The following ZSWIM4 variants were observed in gnomAD, a reference collection of about 807,000 sequenced individuals.
ZSWIM4 encodes zinc finger SWIM-type containing 4, also known as zinc finger SWIM domain-containing protein 4.
In ZSWIM4, 62 loss-of-function variants were observed where a neutral mutation model predicts 102.5. The ratio of observed to expected loss-of-function variants is 0.60; its 90% CI spans 0.49 to 0.75. The LOEUF is 0.75. Ranked by LOEUF, ZSWIM4 falls within the 30% of genes least tolerant of loss-of-function variation. The pLI is 0.00. For missense variants in ZSWIM4, 1,280 were observed against 1,529.6 expected, an observed-to-expected ratio of 0.84 and a Z score of 2.72; for synonymous variants, 652 against 674.5, an observed-to-expected ratio of 0.97 and a Z score of 0.52.
chr19:13,822,956 G>GTGA, intron 10 of ZSWIM4, among the ~76,000 whole-genome samples: 1 of 150,726 alleles, frequency 6.6e-6, no homozygotes, highest in Non-Finnish European at 1.5e-5. Context: ...GCCAGCCTGG[G>GTGA]CAAAAAGAGT....
chr19:13,813,050 G>T lies in ZSWIM4; in HGVS notation c.1066G>T (p.Ala356Ser), dbSNP rs771065112. 5 of 1,613,898 alleles carry T rather than the reference G, an allele frequency of 3.1e-6. No homozygotes were observed. The South Asian group carries it at 5.5e-5, about 18-fold the overall frequency. Residue 356 changes from alanine to serine, a missense_variant, in exon 6 of 14, where the codon GCA (alanine) becomes TCA (serine). Transcript: ENST00000590508. ...LSPHCKPEER[A>S]GWLQLLSRWD... ...CCCCCACTGCAAACCAGAGGAAAGG[G>T]CAGGCTGGCTCCAGCTACTCAGCAG...
rs762511371 is a variant in ZSWIM4 at position 13,830,487 on chromosome 19, G to A, written c.2758G>A (p.Ala920Thr). The A allele has an allele frequency of 1.9e-6, 3 of 1,601,154 alleles. No individual in the cohort carries two copies. The highest frequency in any genetic ancestry group is 1.1e-5 in the South Asian group (1 of 91,012). ...LDAAAGGLGH[A>T]HLFTVARYME... is the part of the protein sequence containing the mutation. ...CGCGGCGGCCGGCGGCCTGGGCCAC[G>A]CCCACCTCTTCACTGTGGCCCGCTA... The change falls in exon 14 of 14, where the codon GCC becomes ACC. Residue 920 changes from alanine (A) to threonine (T), a missense_variant. Ala to Thr is a moderately conservative substitution (Grantham distance 58). Coordinates refer to ENST00000590508, the MANE Select transcript of ZSWIM4 (RefSeq NM_001367834.3).
rs202197140 is a variant in ZSWIM4 at position 13,831,058 on chromosome 19, T to G, written c.*8T>G. 66 of 1,557,552 alleles carry G rather than the reference T, an allele frequency of 4.2e-5. No individual in the cohort carries two copies. The African/African-American group carries it at 8.8e-4, about 21-fold the overall frequency. ...CGGGAGCGTTTTGGTTGAGGGACAG[T>G]GGGGTGCGTGGGAGTGGGGATCCCC... On this transcript the variant is annotated 3_prime_UTR_variant, in exon 14 of 14. Coordinates refer to ENST00000590508, the MANE Select transcript of ZSWIM4 (RefSeq NM_001367834.3).
In ZSWIM4 at chr19:13,817,866, A is replaced by G. The variant is rs765261071; in HGVS notation, c.1814A>G (p.Gln605Arg). ...GCCCTGCCGGAGGGGCTGTACGCCC[A>G]GGACAAGGTGGTGCGCAACGAGGAG... ...QRALPEGLYA[Q>R]DKVVRNEEQL... The change falls in exon 9 of 14, where the codon CAG becomes CGG. Residue 605 changes from glutamine to arginine, a missense_variant. By Grantham distance (43) the Gln-to-Arg change is conservative (BLOSUM62 1). Coordinates refer to ENST00000590508, the MANE Select transcript of ZSWIM4 (RefSeq NM_001367834.3). 1.3e-6 allele frequency: 2 copies of G among 1,555,624 alleles called. No individual in the cohort carries two copies. The highest frequency in any genetic ancestry group is 4.8e-5 in the East Asian group (2 of 41,862).
Position 13,799,786 on chromosome 19 carries a change from C to T in ZSWIM4, c.220C>T (p.Arg74Cys). 1.2e-6 allele frequency: 2 copies of T among 1,614,094 alleles called. No homozygotes were observed. The highest frequency in any genetic ancestry group is 1.7e-6 in the Non-Finnish European group (2 of 1,180,026). ...GCGCATCGTGTTTTGGTCGTTTCCA[C>T]GCAGTGAACGGGAAATATGTATGTA... Reference protein sequence around the residue: ...QKRIVFWSFPRSEREICMYSS... With the variant: ...QKRIVFWSFPCSEREICMYSS... Residue 74 changes from arginine (R) to cysteine (C), a missense_variant, in exon 2 of 14, where the codon CGC becomes TGC. Physicochemically the swap from Arg to Cys is radical, Grantham distance 180. Transcript: ENST00000590508.
rs2145341263 is a variant in ZSWIM4, at chr19:13,817,906, G to A, written c.1854G>A (p.Leu618=). 2 of 1,548,292 alleles carry A rather than the reference G, an allele frequency of 1.3e-6. No homozygotes were observed. Among genetic ancestry groups the A allele is most frequent in the South Asian group, 1.2e-5 (1 of 83,710 alleles). ...VVRNEEQLLA[L]LEEVELDERL... is the part of the protein sequence containing the mutation. ...GCAACGAGGAGCAGCTGCTGGCCCT[G>A]CTGGAGGAGGTGGAGTTGGATGAGC... Residue 618 remains leucine, a synonymous_variant, in exon 9 of 14, where the codon CTG becomes CTA. Coordinates refer to ENST00000590508, the MANE Select transcript of ZSWIM4 (RefSeq NM_001367834.3).
chr19:13,802,309 G>A (rs1416472416), intron 2 of ZSWIM4, among the ~76,000 whole-genome samples: 2 of 149,242 alleles, frequency 1.3e-5, no homozygotes, highest in South Asian at 2.1e-4. Flanking sequence ...AGTCTCGGCC[G>A]GGCACAGTGG....
chr19:13,828,317 G>A (rs771948551), intron 12 of ZSWIM4, among the ~76,000 whole-genome samples: 9 of 152,010 alleles, frequency 5.9e-5, no homozygotes, highest in Non-Finnish European at 1.0e-4. Flanking sequence ...CCTGAGGCAG[G>A]AGAATGCTTG....
chr19:13,818,039 G>A lies in ZSWIM4; in HGVS notation c.1924+63G>A, dbSNP rs994183159. The A allele has an allele frequency of 4.1e-5, 59 of 1,429,218 alleles. 1 individual carries two copies. The Middle Eastern group carries it at 7.7e-4, about 19-fold the overall frequency. 88.5% of individuals were successfully genotyped at this position (1,429,218 alleles called of 1,614,324 possible). On this transcript the variant is annotated intron_variant, in intron 9 of 13. Coordinates refer to ENST00000590508, the MANE Select transcript of ZSWIM4 (RefSeq NM_001367834.3). ...GTAGGGTCCAGCCCCTGGTCCTGTA[G>A]CGGCCCGGTTGCTGCCAGATGGGAG...
chr19:13,811,322 C>T (rs1425125281), intron 5 of ZSWIM4, among the ~76,000 whole-genome samples: 1 of 152,180 alleles, frequency 6.6e-6, no homozygotes, highest in South Asian at 2.1e-4. Flanking sequence ...AAGGCAGACA[C>T]AGACATATAT....
At position 13,831,981 on chromosome 19, in the gene ZSWIM4, A is replaced by C. The variant is rs1056883; in HGVS notation, c.*931A>C. The stretch of plus-strand genomic sequence containing the variant: ...TCTTTGGCCATCCTTCCTTTCCCCC[A>C]CCTTGACCCAGGGAGGAGAAGGGAG... On this transcript the variant is annotated 3_prime_UTR_variant, in exon 14 of 14. Coordinates refer to ENST00000590508, the MANE Select transcript of ZSWIM4 (RefSeq NM_001367834.3). 19 of 138,588 alleles carry C rather than the reference A, an allele frequency of 1.4e-4. No individual in the cohort carries two copies. Among genetic ancestry groups the C allele is most frequent in the South Asian group, 2.3e-4 (1 of 4,256 alleles). The allele number at this position is 138,588 out of a possible 1,614,324, so 8.6% of individuals were successfully genotyped here. A position where few individuals can be genotyped will look rare whatever the true frequency, so the allele number is the denominator to read the frequency against.
chr19:13,820,938 C>T (rs1276948587), intron 10 of ZSWIM4, among the ~76,000 whole-genome samples: 1 of 150,140 alleles, frequency 6.7e-6, no homozygotes, highest in African/African-American at 2.5e-5. Flanking sequence ...CAATGAATAA[C>T]CTGGTTTTCA....
At chr19:13,814,974 T>C (rs1377456931) in intron 7 of ZSWIM4, 109 bp downstream of exon 7, 9 of 587,998 alleles carry the variant, frequency 1.5e-5, no homozygotes, top group African/African-American at 2.0e-5. Context: ...CTGGGCAACA[T>C]AGTGAGACAA....
chr19:13,810,155 C>A (rs143574490), intron 5 of ZSWIM4, among the ~76,000 whole-genome samples: 2,710 of 151,540 alleles, frequency 0.018, 74 homozygotes, highest in African/African-American at 0.063. Flanking sequence ...CCACTAAGTC[C>A]GGCTAATTTT....
chr19:13,810,420 G>A lies in ZSWIM4; in HGVS notation c.1012+1200G>A, dbSNP rs1043668588. Reference sequence around the variant, plus strand: ...TGATTCTCCTGCCTTAGCCTTCTCAGTAGCTGGGATTATAGGTGCGTGCCA... The same window carrying A: ...TGATTCTCCTGCCTTAGCCTTCTCAATAGCTGGGATTATAGGTGCGTGCCA... On this transcript the variant is annotated intron_variant, in intron 5 of 13. Coordinates refer to ENST00000590508, the MANE Select transcript of ZSWIM4 (RefSeq NM_001367834.3). 2.6e-5 allele frequency among the ~76,000 whole-genome samples: 4 copies of A among 151,842 alleles called. No individual in the cohort carries two copies. The East Asian group carries it at 7.7e-4, about 29-fold the overall frequency.
rs769402782 is a variant in ZSWIM4, at chr19:13,817,306, T to C, written c.1622T>C (p.Leu541Pro). The C allele has an allele frequency of 5.0e-6, 8 of 1,613,890 alleles. No individual in the cohort carries two copies. Among genetic ancestry groups the C allele is most frequent in the East Asian group, 2.2e-5 (1 of 44,874 alleles). The change falls in exon 8 of 14, where the codon CTC (leucine) becomes CCC (proline). Residue 541 changes from leucine to proline, a missense_variant. Coordinates refer to ENST00000590508, the MANE Select transcript of ZSWIM4 (RefSeq NM_001367834.3). ...LDPIGCLCRA[L>P]LEACRLEEET... Reference sequence around the variant, plus strand: ...CCCATTGGCTGCCTCTGCAGGGCGCTCCTGGAGGCCTGTCGTCTGGAGGAG... The same window carrying C: ...CCCATTGGCTGCCTCTGCAGGGCGCCCCTGGAGGCCTGTCGTCTGGAGGAG...
At chr19:13,795,926 A>G in intron 1 of ZSWIM4, 125 bp downstream of exon 1, 1 of 497,258 alleles carries the variant, frequency 2.0e-6, no homozygotes, top group Non-Finnish European at 2.7e-6. Flanking sequence ...CTGAGATTCC[A>G]CCCCCAGGAC....
intron 12 of ZSWIM4, among the ~76,000 whole-genome samples, chr19:13,828,362 C>G (rs1319046149): frequency 6.6e-6 from 1 of 151,786 alleles, no homozygotes; most frequent in Admixed American, 6.6e-5. Flanking sequence ...GAGCCAAGAT[C>G]GCACCACTGC....
In ZSWIM4 at chr19:13,830,422, A is replaced by AC. The variant is rs764703698; in HGVS notation, c.2695dup (p.His899ProfsTer267). 1 of 1,610,856 alleles carries AC rather than the reference A, an allele frequency of 6.2e-7. No homozygotes were observed. The stretch of plus-strand genomic sequence containing the variant: ...CCTGCCCTGACCCTGTGCGAGAAGA[A>AC]CCACTCGGCCTTCGAGGCGGCCTAC... On this transcript the variant is annotated frameshift_variant, in exon 14 of 14. Transcript: ENST00000590508. LOFTEE classifies it high-confidence loss of function.
Sources: allele counts gnomAD v4.1 joint callset (sites outside exome capture counted in the v4.1 genomes callset), GRCh38; gene constraint gnomAD v4.1.1; transcripts MANE v1.5; gene names NCBI Gene and HGNC (gene_info 2026-07-23, HGNC 2026-07-21).